BANK1: variants seen among roughly 807,000 people sequenced by gnomAD.
BANK1 encodes B cell scaffold protein with ankyrin repeats 1.
Under a neutral mutation model 94.5 loss-of-function variants are expected in BANK1, and 95 were observed. The observed-to-expected ratio is 1.00, with a 90% CI of 0.85 to 1.19. The LOEUF (loss-of-function observed/expected upper bound fraction) is 1.19, where lower values mean the gene tolerates loss of function less well. Among genes scored for constraint, BANK1 ranks in the 50% most tolerant of loss-of-function variants. The probability of loss-of-function intolerance (pLI) is 0.00; values close to 1 mark genes in which losing one functional copy is unlikely to be tolerated. For missense variants in BANK1, 987 were observed against 932.2 expected, an observed-to-expected ratio of 1.06 and a Z score of -0.77; for synonymous variants, 334 against 308.4, an observed-to-expected ratio of 1.08 and a Z score of -0.87.
In BANK1 at chr4:101,936,432, A is replaced by G. The variant is rs141851658; in HGVS notation, c.1206+18243A>G. On this transcript the variant is annotated intron_variant, in intron 7 of 16. Transcript: ENST00000322953. ...GTATGCATGTATACATGCATGTATA[A>G]GATGTATACATGTTTGCATATACTT... is the stretch of plus-strand genomic sequence containing the variant. 1.5e-3 allele frequency among the ~76,000 whole-genome samples: 232 copies of G among 150,400 alleles called. 4 individuals are homozygous for G. The East Asian group carries it at 0.041, about 27-fold the overall frequency.
chr4:101,984,028 G>A (rs1326765529), intron 7 of BANK1, among the ~76,000 whole-genome samples: 2 of 151,972 alleles, frequency 1.3e-5, no homozygotes, highest in Non-Finnish European at 2.9e-5. Context: ...AGAGGGGAAT[G>A]TATAACTAGC....
intron 13 of BANK1, among the ~76,000 whole-genome samples, chr4:102,063,579 T>G (rs1230004008): frequency 6.6e-6 from 1 of 151,878 alleles, no homozygotes; most frequent in African/African-American, 2.4e-5. Flanking sequence ...ATCCCAGCAC[T>G]TTGGGAGGCC....
chr4:101,978,822 A>G (rs1269046547), intron 7 of BANK1, among the ~76,000 whole-genome samples: 1 of 152,086 alleles, frequency 6.6e-6, no homozygotes, highest in Non-Finnish European at 1.5e-5. Flanking sequence ...CCGTAGAAAC[A>G]CCAAATTTAT....
intron 1 of BANK1, among the ~76,000 whole-genome samples, chr4:101,803,981 G>T: frequency 9.8e-6 from 1 of 101,962 alleles, no homozygotes; most frequent in Non-Finnish European, 1.8e-5. Flanking sequence ...CTGGGCGACA[G>T]AGCGAGACTC....
At chr4:102,001,512 A>T (rs1726071662) in intron 7 of BANK1, among the ~76,000 whole-genome samples, 1 of 152,304 alleles carries the variant, frequency 6.6e-6, no homozygotes, top group Admixed American at 6.5e-5. Context: ...AGGCAGGAGA[A>T]TTGCTTGAAC....
chr4:102,042,455 T>G (rs1727732243), intron 10 of BANK1, among the ~76,000 whole-genome samples: 1 of 152,014 alleles, frequency 6.6e-6, no homozygotes, highest in South Asian at 2.1e-4. Context: ...TTTTGCCTCT[T>G]CTGTTTAAAA....
At chr4:101,920,466 A>G (rs1722967178) in intron 7 of BANK1, among the ~76,000 whole-genome samples, 1 of 151,954 alleles carries the variant, frequency 6.6e-6, no homozygotes, top group Admixed American at 6.6e-5. Flanking sequence ...TTATACTACT[A>G]AAATACTTTA....
intron 2 of BANK1, among the ~76,000 whole-genome samples, chr4:101,848,347 G>A: frequency 6.6e-6 from 1 of 152,140 alleles, no homozygotes; most frequent in Non-Finnish European, 1.5e-5. Flanking sequence ...TCTGTCTGGA[G>A]TTGCACTCTA....
chr4:101,950,611 CAT>C (rs1437672404), intron 7 of BANK1, among the ~76,000 whole-genome samples: 1 of 152,098 alleles, frequency 6.6e-6, no homozygotes, highest in Non-Finnish European at 1.5e-5. Context: ...GGGAAAAATT[CAT>C]AACAAACATA....
At chr4:101,890,949 T>C (rs1000267905) in intron 5 of BANK1, among the ~76,000 whole-genome samples, 1 of 152,012 alleles carries the variant, frequency 6.6e-6, no homozygotes, top group African/African-American at 2.4e-5. Flanking sequence ...ATCCCCCATT[T>C]ATAATATAAA....
At chr4:101,978,408 T>C (rs2148926284) in intron 7 of BANK1, among the ~76,000 whole-genome samples, 2 of 152,200 alleles carry the variant, frequency 1.3e-5, no homozygotes, top group South Asian at 4.1e-4. Context: ...AACAATTTAA[T>C]TGCAATAATA....
intron 7 of BANK1, among the ~76,000 whole-genome samples, chr4:102,009,435 A>T (rs889117109): frequency 6.6e-6 from 1 of 152,154 alleles, no homozygotes; most frequent in Non-Finnish European, 1.5e-5. Context: ...CTGCTTTTGA[A>T]TATTTTATTG....
chr4:102,033,679 C>T (rs566936758), intron 10 of BANK1, among the ~76,000 whole-genome samples: 2 of 152,208 alleles, frequency 1.3e-5, no homozygotes, highest in South Asian at 2.1e-4. Flanking sequence ...TATAAGTTGT[C>T]GTTCTAATTC....
At chr4:102,026,888 T>G (rs1578464709) in intron 9 of BANK1, among the ~76,000 whole-genome samples, 1 of 151,922 alleles carries the variant, frequency 6.6e-6, no homozygotes. Context: ...AAGACCCAAG[T>G]TTACCAACAT....
chr4:101,841,731 C>G (rs554795253), intron 2 of BANK1, among the ~76,000 whole-genome samples: 1 of 150,466 alleles, frequency 6.6e-6, no homozygotes, highest in Non-Finnish European at 1.5e-5. Context: ...CCCACTAACT[C>G]GTCATCTAGC....
chr4:101,927,223 A>G (rs1157115603), intron 7 of BANK1, among the ~76,000 whole-genome samples: 1 of 151,604 alleles, frequency 6.6e-6, no homozygotes, highest in African/African-American at 2.4e-5. Flanking sequence ...GAAAGGAGAG[A>G]AGGAGGAATT....
chr4:102,025,342 G>C lies in BANK1; in HGVS notation c.1427G>C (p.Gly476Ala). 6.2e-7 allele frequency: 1 copy of C among 1,614,080 alleles called. No homozygotes were observed. The highest frequency in any genetic ancestry group is 2.2e-5 in the East Asian group (1 of 44,858). The change falls in exon 9 of 17, where the codon GGC (glycine) becomes GCC (alanine). Residue 476 changes from glycine (G) to alanine (A), a missense_variant. Transcript: ENST00000322953. The stretch of plus-strand genomic sequence containing the variant: ...ACCAAACACAGCCCACTAGAGGTTG[G>C]CAGTGAGAGTTCTGAAGACCAGTAT... ...METKHSPLEV[G>A]SESSEDQYDD...
chr4:101,951,949 G>C (rs1030116638), intron 7 of BANK1, among the ~76,000 whole-genome samples: 2 of 151,966 alleles, frequency 1.3e-5, no homozygotes, highest in Non-Finnish European at 2.9e-5. Context: ...GTTATAGCAA[G>C]CAAATGGCCA....
chr4:101,930,749 T>C (rs1205636335), intron 7 of BANK1, among the ~76,000 whole-genome samples: 1 of 151,486 alleles, frequency 6.6e-6, no homozygotes, highest in Admixed American at 6.6e-5. Flanking sequence ...TGGTAATAAG[T>C]AGAGATGAGT....
Sources: allele counts gnomAD v4.1 joint callset (sites outside exome capture counted in the v4.1 genomes callset), GRCh38; gene constraint gnomAD v4.1.1; transcripts MANE v1.5; gene names NCBI Gene and HGNC (gene_info 2026-07-23, HGNC 2026-07-21).